PCDHA1: variants seen among roughly 807,000 people sequenced by gnomAD.
PCDHA1 encodes protocadherin alpha 1, also known as protocadherin alpha-1.
Under a neutral mutation model 61.3 loss-of-function variants are expected in PCDHA1, and 42 were observed. The observed-to-expected ratio is 0.69, with a 90% CI of 0.54 to 0.89. The LOEUF is 0.89. Among genes scored for constraint, PCDHA1 ranks in the 40% least tolerant of loss-of-function variants. The pLI, the probability that PCDHA1 is intolerant of heterozygous loss-of-function variation, is 0.00. For synonymous variants in PCDHA1, 610 were observed against 553.8 expected, an observed-to-expected ratio of 1.10 and a Z score of -1.43; for missense variants, 1,256 against 1,235.3, an observed-to-expected ratio of 1.02 and a Z score of -0.25.
chr5:140,939,789 A>G (rs1259994967), intron 1 of PCDHA1, among the ~76,000 whole-genome samples: 1 of 152,246 alleles, frequency 6.6e-6, no homozygotes, highest in Non-Finnish European at 1.5e-5. Context: ...GTCAATTTCT[A>G]TAAATGTTCT....
chr5:140,827,864 T>TG (rs1362091793), intron 1 of PCDHA1: 5 of 608,420 alleles, frequency 8.2e-6, no homozygotes, highest in Non-Finnish European at 1.4e-5. Flanking sequence ...ATATATGGTA[T>TG]AGCACTGTTA....
chr5:140,966,499 A>AGCG (rs1178498918), intron 1 of PCDHA1: 4 of 431,834 alleles, frequency 9.3e-6, no homozygotes, highest in Non-Finnish European at 1.6e-5. Flanking sequence ...CTGGAGCTGT[A>AGCG]GCGGCAGCAG....
chr5:140,823,040 T>C (rs2150121625), intron 1 of PCDHA1: 2 of 1,614,210 alleles, frequency 1.2e-6, no homozygotes, highest in Admixed American at 1.7e-5. Context: ...GTCTATGAGC[T>C]GGTGGTGACC....
intron 1 of PCDHA1, chr5:140,929,420 C>A: frequency 6.7e-7 from 1 of 1,502,700 alleles, no homozygotes; most frequent in Non-Finnish European, 8.9e-7. Context: ...CACAACATTT[C>A]ATCAATTGAA....
Position 141,009,910 on chromosome 5 carries a change from C to G in PCDHA1, c.2826C>G (p.Asn942Lys), listed in dbSNP as rs1554262551. ...CCCAGGAGAAAAAAGAGAAAGGGAA[C>G]AGCACGACTGACAACAGTGACCAGT... The part of the protein sequence containing the change: ...NKTQEKKEKG[N>K]STTDNSDQ Residue 942 changes from asparagine to lysine, a missense_variant, in exon 4 of 4, where the codon AAC (asparagine) becomes AAG (lysine). Physicochemically the swap from Asn to Lys is moderately conservative, Grantham distance 94 (BLOSUM62 0). Transcript: ENST00000504120. 28 of 1,612,616 alleles carry G rather than the reference C, an allele frequency of 1.7e-5. No homozygotes were observed. Among genetic ancestry groups the G allele is most frequent in the African/African-American group, 5.4e-5 (4 of 74,736 alleles).
rs1238256859 is a variant in PCDHA1, at chr5:141,010,204, C to T, written c.*267C>T. 6.4e-7 allele frequency: 1 copy of T among 1,551,970 alleles called. No homozygotes were observed. On this transcript the variant is annotated 3_prime_UTR_variant, in exon 4 of 4. Transcript: ENST00000504120. The stretch of plus-strand genomic sequence containing the variant: ...GACCCAAGTTTCCTTTCTCCTCCGC[C>T]GCAAAGGAGAGGCTTCCCAGCCCCG...
At chr5:140,959,956 G>A (rs78198535) in intron 1 of PCDHA1, among the ~76,000 whole-genome samples, 3,568 of 152,304 alleles carry the variant, frequency 0.023, 49 homozygotes, top group Middle Eastern at 0.034. Flanking sequence ...TCATAGGTAG[G>A]AGGTAGATGT....
intron 1 of PCDHA1, chr5:140,869,336 A>G (rs781863950): frequency 6.2e-7 from 1 of 1,613,984 alleles, no homozygotes; most frequent in Admixed American, 1.7e-5. Flanking sequence ...CTGGAGGTAA[A>G]TCTGCAGAAT....
intron 1 of PCDHA1, among the ~76,000 whole-genome samples, chr5:140,924,892 C>A: frequency 1.2e-5 from 1 of 82,680 alleles, no homozygotes; most frequent in Admixed American, 1.2e-4. Context: ...AAGAACCTGT[C>A]TCAAAAAAAA....
At chr5:140,797,157 G>T (rs1554120315) in intron 1 of PCDHA1, 1 of 1,613,840 alleles carries the variant, frequency 6.2e-7, no homozygotes, top group East Asian at 2.2e-5. Flanking sequence ...CCGAGGGTGC[G>T]CGCGCGCCAG....
chr5:140,857,015 G>A, intron 1 of PCDHA1: 2 of 1,596,400 alleles, frequency 1.3e-6, no homozygotes, highest in Non-Finnish European at 1.7e-6. Context: ...AGATGTTACA[G>A]ATAAGGGAAA....
At chr5:140,897,803 C>A (rs1285512803) in intron 1 of PCDHA1, among the ~76,000 whole-genome samples, 2 of 152,130 alleles carry the variant, frequency 1.3e-5, no homozygotes, top group Non-Finnish European at 2.9e-5. Flanking sequence ...AGAGTCCCAC[C>A]AACAGTGTAA....
chr5:140,890,732 TTA>T (rs2062774217), intron 1 of PCDHA1, among the ~76,000 whole-genome samples: 1 of 152,238 alleles, frequency 6.6e-6, no homozygotes, highest in Admixed American at 6.5e-5. Context: ...CCCTTTTGAC[TTA>T]TATACTATTT....
At chr5:140,834,565 C>T (rs2150221167) in intron 1 of PCDHA1, 4 of 1,614,086 alleles carry the variant, frequency 2.5e-6, no homozygotes, top group Admixed American at 1.7e-5. Flanking sequence ...GAGCTGGTGC[C>T]GCGCCTGTTC....
In PCDHA1 at chr5:140,786,643, A is replaced by C. The variant is rs782435531; in HGVS notation, c.353A>C (p.His118Pro). 6.2e-7 allele frequency: 1 copy of C among 1,614,244 alleles called. No individual in the cohort carries two copies. Among genetic ancestry groups the C allele is most frequent in the Non-Finnish European group, 8.5e-7 (1 of 1,180,040 alleles). Residue 118 changes from histidine to proline, a missense_variant, in exon 1 of 4, where the codon CAT (histidine) becomes CCT (proline). By Grantham distance (77) the His-to-Pro change is moderately conservative. Coordinates refer to ENST00000504120, the MANE Select transcript of PCDHA1 (RefSeq NM_018900.4). ...GCCGACAGGCCGCTGCAGGTTTTCCATGTGGAGGTGAAGGTGAAAGACATT... is the reference window on the plus strand; with the variant it reads ...GCCGACAGGCCGCTGCAGGTTTTCCCTGTGGAGGTGAAGGTGAAAGACATT... ...LIADRPLQVF[H>P]VEVKVKDIND...
At chr5:140,860,361 A>G (rs2046358077) in intron 1 of PCDHA1, 2 of 152,182 alleles carry the variant, frequency 1.3e-5, no homozygotes, top group African/African-American at 4.8e-5. Flanking sequence ...AGCCTGGATG[A>G]CAAAGTGAGA....
In PCDHA1 at chr5:140,834,566, G is replaced by T. The variant is rs149709586; in HGVS notation, c.2394+45882G>T. ...GGCTGGAGCTGGCGGAGCTGGTGCC[G>T]CGCCTGTTCCGGGCGGTGTGCAAAT... is the stretch of plus-strand genomic sequence containing the variant. On this transcript the variant is annotated intron_variant, in intron 1 of 3. Transcript: ENST00000504120. The T allele has an allele frequency of 1.5e-3, 2,437 of 1,614,096 alleles. 37 individuals carry two copies. In the African/African-American group the frequency reaches 0.029, roughly 19 times the overall value.
chr5:140,965,299 C>A (rs1295211520), intron 1 of PCDHA1, among the ~76,000 whole-genome samples: 4 of 152,134 alleles, frequency 2.6e-5, no homozygotes, highest in African/African-American at 7.2e-5. Context: ...TTCCTCTGAT[C>A]CTTCTACCTT....
At chr5:140,862,971 A>T (rs1581664688) in intron 1 of PCDHA1, 1 of 544,766 alleles carries the variant, frequency 1.8e-6, no homozygotes, top group Non-Finnish European at 3.6e-6. Context: ...GATGCAGGCC[A>T]CTTGGTGGCG....
Sources: gnomAD v4.1 joint callset for allele counts (sites outside exome capture counted in the v4.1 genomes callset) on GRCh38, gnomAD v4.1.1 for gene constraint, MANE v1.5 for transcripts, NCBI Gene and HGNC (gene_info 2026-07-23, HGNC 2026-07-21) for gene names.